FASN: variants seen among roughly 807,000 people sequenced by gnomAD.
FASN encodes 3-hydroxyacyl-[acyl-carrier-protein] dehydratase.
Under a neutral mutation model 250.0 loss-of-function variants are expected in FASN, and 50 were observed. The ratio of observed to expected loss-of-function variants is 0.20; its 90% CI spans 0.16 to 0.25. FASN has a LOEUF of 0.25. Ranked by LOEUF, FASN falls within the 10% of genes least tolerant of loss-of-function variation. The pLI, the probability that FASN is intolerant of heterozygous loss-of-function variation, is 1.00. For missense variants in FASN, 3,031 were observed against 3,498.5 expected (o/e 0.87, Z 3.37); for synonymous variants, 1,909 against 1,584.0 (o/e 1.21, Z -4.87).
At chr17:82,089,984 G>A (rs2034174439) in intron 11 of FASN, among the ~76,000 whole-genome samples, 1 of 152,224 alleles carries the variant, frequency 6.6e-6, no homozygotes, top group South Asian at 2.1e-4. Context: ...TGCAGCCAAG[G>A]TTCTTTCCAG....
rs749354034 is a variant in FASN at position 82,091,209 on chromosome 17, A to G, written c.1492+13T>C. 6.2e-7 allele frequency: 1 copy of G among 1,601,488 alleles called. No individual in the cohort carries two copies. The highest frequency in any genetic ancestry group is 1.3e-5 in the African/African-American group (1 of 74,838). ...AGGGAAGGGACCACCTTGGGGGCAG[A>G]GTGTGGGCTCACCAGAGCAGATGAA... is the stretch of plus-strand genomic sequence containing the variant. On this transcript the variant is annotated intron_variant, in intron 9 of 42. Transcript: ENST00000306749.
At position 82,087,477 on chromosome 17, in the gene FASN, T is replaced by A; in HGVS notation, c.3071A>T (p.Asp1024Val). ...EGDSGRLLWKDNWVSFMDTML... is the reference protein window; with the variant it reads ...EGDSGRLLWKVNWVSFMDTML... The stretch of plus-strand genomic sequence containing the variant: ...GGTGTCCATGAAGCTCACCCAGTTA[T>A]CCTTCCACAGCAGCCTCCCCGAGTC... Residue 1024 changes from aspartate to valine, a missense_variant, in exon 20 of 43, where the codon GAT (aspartate) becomes GTT (valine). Transcript: ENST00000306749. 6.2e-7 allele frequency: 1 copy of A among 1,612,538 alleles called. No homozygotes were observed. The highest frequency in any genetic ancestry group is 1.1e-5 in the South Asian group (1 of 91,090).
rs1357459352 is a variant in FASN at position 82,087,436 on chromosome 17, T to C, written c.3112A>G (p.Ile1038Val). Reference protein sequence around the residue: ...SFMDTMLQMSILGSAKHGLYL... With the variant: ...SFMDTMLQMSVLGSAKHGLYL... ...AGGCCGTGCTTGGCCGAGCCCAGGA[T>C]GGACATCTGCAGCATGGTGTCCATG... is the stretch of plus-strand genomic sequence containing the variant. The change falls in exon 20 of 43, where the codon ATC (isoleucine) becomes GTC (valine). Residue 1038 changes from isoleucine to valine, a missense_variant. Coordinates refer to ENST00000306749, the MANE Select transcript of FASN (RefSeq NM_004104.5). The C allele has an allele frequency of 1.9e-6, 3 of 1,612,608 alleles. No homozygotes were observed. The highest frequency in any genetic ancestry group is 2.5e-6 in the Non-Finnish European group (3 of 1,180,008).
intron 33 of FASN, 65 bp downstream of exon 33, chr17:82,082,846 GAGA>G: frequency 2.5e-6 from 4 of 1,587,282 alleles, no homozygotes; most frequent in Non-Finnish European, 3.4e-6. Flanking sequence ...GTGGGCTGCA[GAGA>G]AGGGCTCAGG....
Position 82,088,550 on chromosome 17 carries a change from G to C in FASN, c.2433C>G (p.Asn811Lys). The C allele has an allele frequency of 1.2e-6, 2 of 1,605,820 alleles. No individual in the cohort carries two copies. The highest frequency in any genetic ancestry group is 1.7e-6 in the Non-Finnish European group (2 of 1,175,334). Residue 811 changes from asparagine (N) to lysine (K), a missense_variant, in exon 16 of 43, where the codon AAC (asparagine) becomes AAG (lysine). Asn to Lys is a moderately conservative substitution (Grantham distance 94). Transcript: ENST00000306749. ...GRLHLSGIDANPNALFPPVEF... is the reference protein window; with the variant it reads ...GRLHLSGIDAKPNALFPPVEF... ...CCACAGGTGGGAACAAGGCATTGGGGTTGGCGTCGATGCTACGGAGAAGGG... is the reference window on the plus strand; with the variant it reads ...CCACAGGTGGGAACAAGGCATTGGGCTTGGCGTCGATGCTACGGAGAAGGG...
At chr17:82,094,263 C>T (rs951886909) in intron 3 of FASN, 42 of 247,932 alleles carry the variant, frequency 1.7e-4, no homozygotes, top group African/African-American at 8.8e-4. Context: ...GAGAGAGGGA[C>T]ACCGGTCACC....
In FASN at chr17:82,091,688, C is replaced by CG; in HGVS notation, c.1030-5dup. The CG allele has an allele frequency of 6.4e-7, 1 of 1,569,592 alleles. No homozygotes were observed. Among genetic ancestry groups the CG allele is most frequent in the Non-Finnish European group, 8.6e-7 (1 of 1,157,300 alleles). ...CGTGCTCCAGGGACAGCAGCACCTGCGGGGGTACGTGGTGGATGGGCAGCC... is the reference window on the plus strand; with the variant it reads ...CGTGCTCCAGGGACAGCAGCACCTGCGGGGGGTACGTGGTGGATGGGCAGCC... On this transcript the variant is annotated splice_region_variant and splice_polypyrimidine_tract_variant and intron_variant, in intron 8 of 42. Coordinates refer to ENST00000306749, the MANE Select transcript of FASN (RefSeq NM_004104.5).
Position 82,090,534 on chromosome 17 carries a change from C to G in FASN, c.1711G>C (p.Gly571Arg), listed in dbSNP as rs770510226. 6.2e-7 allele frequency: 1 copy of G among 1,612,028 alleles called. No homozygotes were observed. The highest frequency in any genetic ancestry group is 8.5e-7 in the Non-Finnish European group (1 of 1,179,650). ...IGLIDLLSCM[G>R]LRPDGIVGHS... ...CCGACGATGCCATCTGGCCTCAGCC[C>G]CATGCAGCTCAGCAGGTCTATGAGG... Residue 571 changes from glycine (G) to arginine (R), a missense_variant, in exon 11 of 43, where the codon GGG becomes CGG. Physicochemically the swap from Gly to Arg is moderately radical, Grantham distance 125 (BLOSUM62 -2). Coordinates refer to ENST00000306749, the MANE Select transcript of FASN (RefSeq NM_004104.5).
chr17:82,082,723 C>T, intron 33 of FASN, 45 bp from the exon 34 acceptor site: 4 of 1,599,598 alleles, frequency 2.5e-6, no homozygotes, highest in Admixed American at 1.7e-5. Flanking sequence ...AGGGTACGGT[C>T]TCTTCCCTAC....
intron 1 of FASN, chr17:82,097,344 A>T (rs966528129): frequency 6.6e-6 from 1 of 152,442 alleles, no homozygotes; most frequent in Non-Finnish European, 1.5e-5. Context: ...CTCCAGCATG[A>T]GGGCTGGTGC....
At position 82,087,389 on chromosome 17, in the gene FASN, G is replaced by A. The variant is rs370998038; in HGVS notation, c.3159C>T (p.Thr1053=). The part of the protein sequence containing the change: ...KHGLYLPTRV[T]AIHIDPATHR... ...GGGTGGCAGGGTCGATGTGGATGGC[G>A]GTGACACGGGTGGGCAGGTACAGGC... The change falls in exon 20 of 43, where the codon ACC becomes ACT. Residue 1053 remains threonine, a synonymous_variant. Transcript: ENST00000306749. The A allele has an allele frequency of 1.2e-5, 19 of 1,612,568 alleles. No homozygotes were observed. In the African/African-American group the frequency reaches 1.3e-4, roughly 11 times the overall value.
In FASN at chr17:82,082,510, T is replaced by G. The variant is rs1359436789; in HGVS notation, c.5919+17A>C. ...GTCTTGGGGCTTTTGAGGGCCCCAT[T>G]TGGGGCCTTCCCTCACCACGGCCAG... is the stretch of plus-strand genomic sequence containing the variant. On this transcript the variant is annotated intron_variant, in intron 34 of 42. Transcript: ENST00000306749. 2 of 1,609,062 alleles carry G rather than the reference T, an allele frequency of 1.2e-6. No homozygotes were observed. Among genetic ancestry groups the G allele is most frequent in the South Asian group, 1.1e-5 (1 of 91,082 alleles).
intron 12 of FASN, 21 bp from the exon 13 acceptor site, chr17:82,089,405 G>A: frequency 1.2e-6 from 2 of 1,612,736 alleles, no homozygotes; most frequent in Non-Finnish European, 1.7e-6. Context: ...TGGGAGCCTG[G>A]ATAAGCATCC....
chr17:82,089,526 G>A lies in FASN; in HGVS notation c.1965+106C>T, dbSNP rs900520070. The A allele has an allele frequency of 1.7e-5, 27 of 1,547,528 alleles. No individual in the cohort carries two copies. In the South Asian group the frequency reaches 2.3e-4, roughly 13 times the overall value. ...GAGGACAAACCTGCCCCATGCCCCA[G>A]GCCCGTCAGAGCTTGGTGGGGCGTA... On this transcript the variant is annotated intron_variant, in intron 12 of 42. Transcript: ENST00000306749.
At chr17:82,081,875 C>T (rs746716231) in intron 36 of FASN, 32 bp from the exon 37 acceptor site, 25 of 1,296,096 alleles carry the variant, frequency 1.9e-5, no homozygotes, top group East Asian at 1.7e-4. Flanking sequence ...GGCAGAGCTG[C>T]GGGGAGGTCG....
chr17:82,095,339 A>C lies in FASN; in HGVS notation c.261T>G (p.Tyr87Ter), dbSNP rs745850974. The C allele has an allele frequency of 6.2e-7, 1 of 1,612,950 alleles. No homozygotes were observed. Among genetic ancestry groups the C allele is most frequent in the African/African-American group, 1.3e-5 (1 of 75,084 alleles). Residue 87 changes from tyrosine (Y) to a stop codon, truncating the protein, a stop_gained, in exon 3 of 43, where the codon TAT becomes TAG. Transcript: ENST00000306749. LOFTEE classifies it high-confidence loss of function. ...ACCCACCTCCGTCCACGATGGCTTC[A>C]TAGGTGACTTCCAGCAGCAGCCGCA... ...PQLRLLLEVTYEAIVDGGINP... is the reference protein window; with the variant it reads ...PQLRLLLEVT
chr17:82,079,344 G>GC lies in FASN; in HGVS notation c.7398+12dup. ...CTGTCCCTGTCCCCGTTCCCGTCAG[G>GC]CCCCTTGCGCACCTGGGAGAGGTTG... is the stretch of plus-strand genomic sequence containing the variant. On this transcript the variant is annotated intron_variant, in intron 42 of 42. Coordinates refer to ENST00000306749, the MANE Select transcript of FASN (RefSeq NM_004104.5). 6.2e-7 allele frequency: 1 copy of GC among 1,613,054 alleles called. No homozygotes were observed. The highest frequency in any genetic ancestry group is 8.5e-7 in the Non-Finnish European group (1 of 1,179,982).
At position 82,081,311 on chromosome 17, in the gene FASN, C is replaced by T; in HGVS notation, c.6448G>A (p.Ala2150Thr). Residue 2150 changes from alanine (A) to threonine (T), a missense_variant, in exon 38 of 43, where the codon GCG becomes ACG. By Grantham distance (58) the Ala-to-Thr change is moderately conservative (BLOSUM62 0). Coordinates refer to ENST00000306749, the MANE Select transcript of FASN (RefSeq NM_004104.5). ...LAAVNLDSSL[A>T]DLGLDSLMSV... ...ATGAGCGAGTCCAGGCCCAGGTCCGCCAGTGAGCTGTCCAGGTTGACAGCA... is the reference window on the plus strand; with the variant it reads ...ATGAGCGAGTCCAGGCCCAGGTCCGTCAGTGAGCTGTCCAGGTTGACAGCA... 6.4e-7 allele frequency: 1 copy of T among 1,557,212 alleles called. No homozygotes were observed.
chr17:82,085,203 G>T, intron 24 of FASN, 35 bp downstream of exon 24: 1 of 1,612,298 alleles, frequency 6.2e-7, no homozygotes, highest in South Asian at 1.1e-5. Context: ...AAGTTGGGAG[G>T]TGGGGTGGGG....
Sources: gnomAD v4.1 joint callset for allele counts (sites outside exome capture counted in the v4.1 genomes callset) on GRCh38, gnomAD v4.1.1 for gene constraint, MANE v1.5 for transcripts, NCBI Gene and HGNC (gene_info 2026-07-23, HGNC 2026-07-21) for gene names.